TLL1: variants seen among roughly 807,000 people sequenced by gnomAD.
The protein encoded by TLL1 is tolloid-like protein 1.
TLL1 carries 49 observed loss-of-function variants against 128.2 expected under a neutral mutation model. The observed-to-expected ratio is 0.38, with a 90% CI of 0.30 to 0.48. The LOEUF is 0.48. Among genes scored for constraint, TLL1 ranks in the 20% least tolerant of loss-of-function variants. The pLI is 0.96. For synonymous variants in TLL1, 454 were observed against 418.8 expected (o/e 1.08, Z -1.03); for missense variants, 1,123 against 1,242.0 (o/e 0.90, Z 1.44).
intron 5 of TLL1, 88 bp downstream of exon 5, chr4:165,995,266 A>T (rs1736822748): frequency 4.9e-6 from 5 of 1,028,040 alleles, no homozygotes; most frequent in African/African-American, 1.6e-5. Flanking sequence ...TTTATTTCTT[A>T]AGATTTGCTT....
chr4:166,051,045 A>G (rs1181205508), intron 12 of TLL1, among the ~76,000 whole-genome samples: 4 of 152,136 alleles, frequency 2.6e-5, no homozygotes, highest in Admixed American at 2.0e-4. Context: ...AGGTCTGTTT[A>G]CATTATGATA....
intron 1 of TLL1, among the ~76,000 whole-genome samples, chr4:165,885,072 G>A (rs1407623194): frequency 6.6e-6 from 1 of 152,108 alleles, no homozygotes; most frequent in East Asian, 1.9e-4. Context: ...GTTCTACTGT[G>A]ATTTTGAAAA....
At chr4:166,089,625 C>T (rs899759060) in intron 18 of TLL1, among the ~76,000 whole-genome samples, 4 of 152,120 alleles carry the variant, frequency 2.6e-5, no homozygotes, top group Admixed American at 1.3e-4. Context: ...TATTTCCCTA[C>T]GCTGTCTTCT....
chr4:165,887,422 T>TAAAAG (rs577984563), intron 1 of TLL1, among the ~76,000 whole-genome samples: 500 of 152,028 alleles, frequency 3.3e-3, no homozygotes, highest in Non-Finnish European at 5.7e-3. Flanking sequence ...GTCAAGAAAG[T>TAAAAG]AAAAGAAAAG....
At chr4:166,074,231 G>T (rs1455125172) in intron 16 of TLL1, among the ~76,000 whole-genome samples, 1 of 151,824 alleles carries the variant, frequency 6.6e-6, no homozygotes, top group Non-Finnish European at 1.5e-5. Context: ...TACCAGAGTA[G>T]ATTTGTTTAA....
chr4:166,057,888 T>C (rs986788252), intron 14 of TLL1, among the ~76,000 whole-genome samples: 1 of 152,114 alleles, frequency 6.6e-6, no homozygotes, highest in Non-Finnish European at 1.5e-5. Flanking sequence ...ATGTGGGAAT[T>C]ATGGGAGCTG....
chr4:166,085,240 CT>C (rs35676382), intron 18 of TLL1, among the ~76,000 whole-genome samples: 10 of 144,934 alleles, frequency 6.9e-5, no homozygotes, highest in Middle Eastern at 3.6e-3. Context: ...GATAATTTAA[CT>C]TTTTTTTTTT....
At chr4:166,086,264 C>T (rs918722823) in intron 18 of TLL1, among the ~76,000 whole-genome samples, 4 of 151,944 alleles carry the variant, frequency 2.6e-5, no homozygotes, top group African/African-American at 4.8e-5. Flanking sequence ...AGATTTTTAT[C>T]GAGACTTAGG....
intron 14 of TLL1, among the ~76,000 whole-genome samples, chr4:166,059,077 A>G (rs527674167): frequency 6.6e-6 from 1 of 152,322 alleles, no homozygotes; most frequent in East Asian, 1.9e-4. Context: ...CAATCAAAAA[A>G]TAACAAGACT....
intron 12 of TLL1, among the ~76,000 whole-genome samples, chr4:166,053,502 G>A (rs757241580): frequency 1.3e-5 from 2 of 152,084 alleles, no homozygotes; most frequent in Non-Finnish European, 2.9e-5. Flanking sequence ...GTGGAGAGTA[G>A]GCACTGAGTA....
At chr4:166,093,300 A>G (rs562922923) in intron 19 of TLL1, among the ~76,000 whole-genome samples, 26 of 152,254 alleles carry the variant, frequency 1.7e-4, no homozygotes, top group African/African-American at 5.8e-4. Context: ...CAGGGTGATA[A>G]TAGGGAGAAG....
At chr4:165,956,731 G>T (rs906609981) in intron 1 of TLL1, among the ~76,000 whole-genome samples, 4 of 152,012 alleles carry the variant, frequency 2.6e-5, no homozygotes, top group Non-Finnish European at 5.9e-5. Flanking sequence ...AGCTTACAAA[G>T]ATATCAGGGT....
intron 9 of TLL1, among the ~76,000 whole-genome samples, chr4:166,029,389 C>T (rs1738650271): frequency 6.6e-6 from 1 of 151,766 alleles, no homozygotes; most frequent in East Asian, 1.9e-4. Flanking sequence ...TTGTTGATAC[C>T]TTTTTTTAAT....
intron 9 of TLL1, chr4:166,030,398 G>A: frequency 2.2e-6 from 1 of 450,872 alleles, no homozygotes. Context: ...ATATATTCTG[G>A]TTATTAAGCA....
chr4:165,902,495 C>G (rs551399937), intron 1 of TLL1, among the ~76,000 whole-genome samples: 6 of 152,240 alleles, frequency 3.9e-5, no homozygotes, highest in African/African-American at 1.4e-4. Context: ...CACCGTTCCT[C>G]ACCTCATGGT....
rs541127435 is a variant in TLL1, at chr4:166,080,390, A to G, written c.2442+2360A>G. ...TTAGAAAAACAAAATTCAATCCATA[A>G]CACCATTTATCTGCTGAAATCTCCC... is the stretch of plus-strand genomic sequence containing the variant. On this transcript the variant is annotated intron_variant, in intron 18 of 20. Coordinates refer to ENST00000061240, the MANE Select transcript of TLL1 (RefSeq NM_012464.5). Among the ~76,000 whole-genome samples, 399 of 152,256 alleles carry G rather than the reference A, an allele frequency of 2.6e-3. 2 individuals carry two copies. The highest frequency in any genetic ancestry group is 9.1e-3 in the African/African-American group (379 of 41,554).
chr4:165,943,056 C>G (rs1278980389), intron 1 of TLL1, among the ~76,000 whole-genome samples: 1 of 152,024 alleles, frequency 6.6e-6, no homozygotes, highest in Non-Finnish European at 1.5e-5. Context: ...TTTAAATTTG[C>G]AACATTTGTC....
intron 1 of TLL1, among the ~76,000 whole-genome samples, chr4:165,952,867 C>A (rs1394618127): frequency 6.6e-6 from 1 of 152,170 alleles, no homozygotes; most frequent in Admixed American, 6.6e-5. Flanking sequence ...AGCATCCCCC[C>A]ACTAAAGAGC....
chr4:165,934,173 C>CTTTT (rs779010027), intron 1 of TLL1, among the ~76,000 whole-genome samples: 8 of 108,294 alleles, frequency 7.4e-5, no homozygotes, highest in South Asian at 3.1e-4. Flanking sequence ...TAATTTTTTG[C>CTTTT]TTTTTTTTTT....
Sources: gnomAD v4.1 joint callset for allele counts (sites outside exome capture counted in the v4.1 genomes callset) on GRCh38, gnomAD v4.1.1 for gene constraint, MANE v1.5 for transcripts, NCBI Gene and HGNC (gene_info 2026-07-23, HGNC 2026-07-21) for gene names.